The following LOXHD1 variants were observed in gnomAD, a reference collection of about 807,000 sequenced individuals.
The protein encoded by LOXHD1 is lipoxygenase homology domain-containing protein 1.
Under a neutral mutation model 248.2 loss-of-function variants are expected in LOXHD1, and 205 were observed. That is an observed-to-expected ratio of 0.83 (90% CI 0.74 to 0.93). The LOEUF is 0.93. LOXHD1 is among the 40% of genes least tolerant of loss of function. LOXHD1 has a pLI of 0.00. For missense variants in LOXHD1, 2,930 were observed against 2,971.6 expected (o/e 0.99, Z 0.33); for synonymous variants, 1,113 against 1,162.8 (o/e 0.96, Z 0.87).
intron 13 of LOXHD1, among the ~76,000 whole-genome samples, chr18:46,578,707 C>T (rs925908543): frequency 1.3e-5 from 2 of 152,186 alleles, no homozygotes; most frequent in African/African-American, 4.8e-5. Flanking sequence ...TCTGCAAATC[C>T]CCTTCACCCT....
At chr18:46,593,219 T>C (rs1031743929) in intron 10 of LOXHD1, among the ~76,000 whole-genome samples, 4 of 152,204 alleles carry the variant, frequency 2.6e-5, no homozygotes, top group African/African-American at 9.6e-5. Flanking sequence ...CTAAAATTCA[T>C]ACTTTTGATT....
intron 21 of LOXHD1, 51 bp from the exon 22 acceptor site, chr18:46,547,109 T>G: frequency 6.5e-7 from 1 of 1,546,840 alleles, no homozygotes; most frequent in Non-Finnish European, 8.7e-7. Flanking sequence ...AAAGGTCTCG[T>G]CCAGGAGCAG....
chr18:46,587,237 G>A (rs935479352), intron 12 of LOXHD1, among the ~76,000 whole-genome samples: 31 of 152,158 alleles, frequency 2.0e-4, no homozygotes, highest in Admixed American at 1.6e-3. Flanking sequence ...AGCTCTGAAT[G>A]GTCCAACGTA....
intron 23 of LOXHD1, among the ~76,000 whole-genome samples, chr18:46,543,660 G>A (rs2036668116): frequency 6.6e-6 from 1 of 151,986 alleles, no homozygotes; most frequent in African/African-American, 2.4e-5. Context: ...CACTTTTTTG[G>A]TGTGTGTTCT....
At chr18:46,642,217 T>C (rs2038971898) in intron 2 of LOXHD1, among the ~76,000 whole-genome samples, 181 bp from the exon 3 acceptor site, 1 of 152,224 alleles carries the variant, frequency 6.6e-6, no homozygotes, top group Non-Finnish European at 1.5e-5. Flanking sequence ...CAGGGACTGC[T>C]AGTATCATTC....
chr18:46,560,458 C>T lies in LOXHD1; in HGVS notation c.2686G>A (p.Val896Met), dbSNP rs1010276992. 21 of 1,542,342 alleles carry T rather than the reference C, an allele frequency of 1.4e-5. No individual in the cohort carries two copies. Among genetic ancestry groups the T allele is most frequent in the Middle Eastern group, 1.7e-4 (1 of 6,012 alleles). Residue 896 changes from valine to methionine, a missense_variant, in exon 19 of 41, where the codon GTG (valine) becomes ATG (methionine). By Grantham distance (21) the Val-to-Met change is conservative. Coordinates refer to ENST00000642948, the MANE Select transcript of LOXHD1 (RefSeq NM_001384474.1). ...CGCACCACCAGGTGCCGCAGCCACACGGTGTCCACGAACCAGCTGGGCCCA... is the reference window on the plus strand; with the variant it reads ...CGCACCACCAGGTGCCGCAGCCACATGGTGTCCACGAACCAGCTGGGCCCA... ...GFGPSWFVDT[V>M]WLRHLVVREV...
At chr18:46,535,918 C>G (rs1030492817) in intron 26 of LOXHD1, among the ~76,000 whole-genome samples, 1 of 152,090 alleles carries the variant, frequency 6.6e-6, no homozygotes, top group Non-Finnish European at 1.5e-5. Context: ...CTTTAGGGGA[C>G]AGCTACTCAT....
intron 12 of LOXHD1, among the ~76,000 whole-genome samples, chr18:46,590,528 G>A (rs938173734): frequency 3.9e-5 from 6 of 152,184 alleles, no homozygotes; most frequent in Non-Finnish European, 8.8e-5. Context: ...GACAGATCAG[G>A]TAAGAACAGG....
rs1207153917 is a variant in LOXHD1, at chr18:46,485,239, C to A, written c.6050-88G>T. 4 of 1,466,598 alleles carry A rather than the reference C, an allele frequency of 2.7e-6. No homozygotes were observed. In the African/African-American group the frequency reaches 4.2e-5, roughly 16 times the overall value. The allele number at this position is 1,466,598 out of a possible 1,614,324, so 90.8% of individuals were successfully genotyped here. ...AGCAAGAGGGTCACGGCCTCCGGTC[C>A]TTCATTTGATCTTAGGCTGCAGCCT... is the stretch of plus-strand genomic sequence containing the variant. On this transcript the variant is annotated intron_variant, in intron 38 of 40. Coordinates refer to ENST00000642948, the MANE Select transcript of LOXHD1 (RefSeq NM_001384474.1).
At position 46,655,206 on chromosome 18, in the gene LOXHD1, G is replaced by GT. The variant is rs539145795; in HGVS notation, c.130+1697dup. Among the ~76,000 whole-genome samples, 278 of 152,334 alleles carry GT rather than the reference G, an allele frequency of 1.8e-3. 2 individuals carry two copies. Among genetic ancestry groups the GT allele is most frequent in the Non-Finnish European group, 2.5e-3 (171 of 68,026 alleles). ...ATTTGAGGTTCTTGTTGTCCATCCT[G>GT]TTTGTGACCTTGCTCAAGTCACTTA... On this transcript the variant is annotated intron_variant, in intron 1 of 40. Coordinates refer to ENST00000642948, the MANE Select transcript of LOXHD1 (RefSeq NM_001384474.1).
At chr18:46,597,778 A>G (rs911313708) in intron 8 of LOXHD1, among the ~76,000 whole-genome samples, 3 of 148,478 alleles carry the variant, frequency 2.0e-5, no homozygotes, top group African/African-American at 7.5e-5. Context: ...TTTTTTTGAG[A>G]TGGAGTCTCG....
intron 24 of LOXHD1, 53 bp downstream of exon 24, chr18:46,542,674 C>G: frequency 6.5e-7 from 1 of 1,545,254 alleles, no homozygotes; most frequent in Non-Finnish European, 8.7e-7. Context: ...CCACAAGGAC[C>G]TGTCCATGGT....
chr18:46,514,140 T>A lies in LOXHD1; in HGVS notation c.5399+3989A>T, dbSNP rs578165111. Among the ~76,000 whole-genome samples the A allele has an allele frequency of 1.1e-4, 16 of 152,314 alleles. No individual in the cohort carries two copies. In the South Asian group the frequency reaches 3.3e-3, roughly 32 times the overall value. On this transcript the variant is annotated intron_variant, in intron 34 of 40. Coordinates refer to ENST00000642948, the MANE Select transcript of LOXHD1 (RefSeq NM_001384474.1). Reference sequence around the variant, plus strand: ...GCTGTGGTTTGAGAGTAGAACAAGGTCAAATCTTAAACAGATTCTAAGTCT... The same window carrying A: ...GCTGTGGTTTGAGAGTAGAACAAGGACAAATCTTAAACAGATTCTAAGTCT...
rs2033263996 is a variant in LOXHD1, at chr18:46,488,953, A to C, written c.6049+19T>G. On this transcript the variant is annotated intron_variant, in intron 38 of 40. Transcript: ENST00000642948. ...CCATTCCCTGCCTCCCTCCTGAGCC[A>C]ATGATCTCCCCCACATACTGGTCTC... The C allele has an allele frequency of 6.5e-7, 1 of 1,545,468 alleles. No homozygotes were observed. The highest frequency in any genetic ancestry group is 1.4e-5 in the African/African-American group (1 of 72,922).
At chr18:46,589,386 G>T (rs2038122905) in intron 12 of LOXHD1, among the ~76,000 whole-genome samples, 1 of 152,130 alleles carries the variant, frequency 6.6e-6, no homozygotes. Flanking sequence ...GGAGCCCCCT[G>T]GCCCCTTCTT....
intron 6 of LOXHD1, among the ~76,000 whole-genome samples, chr18:46,604,435 A>G (rs1157339539): frequency 6.6e-6 from 1 of 152,248 alleles, no homozygotes; most frequent in East Asian, 1.9e-4. Context: ...ACTGGCGATT[A>G]CCTTCTGACT....
rs1317099243 is a variant in LOXHD1 at position 46,546,943 on chromosome 18, C to T, written c.3466G>A (p.Gly1156Arg). 8 of 1,551,536 alleles carry T rather than the reference C, an allele frequency of 5.2e-6. No homozygotes were observed. Among genetic ancestry groups the T allele is most frequent in the Non-Finnish European group, 7.0e-6 (8 of 1,146,956 alleles). Residue 1156 changes from glycine to arginine, a missense_variant, in exon 22 of 41, where the codon GGA becomes AGA. Coordinates refer to ENST00000642948, the MANE Select transcript of LOXHD1 (RefSeq NM_001384474.1). ...TCGAGGGGGTTGTTGTCACCGCCTC[C>T]CCTACCCTCCTCGCTCTGTGGCAGC... ...YVLPQSEEGR[G>R]GGDNNPLDNL...
intron 18 of LOXHD1, among the ~76,000 whole-genome samples, chr18:46,562,161 C>T (rs944668875): frequency 6.6e-6 from 1 of 152,242 alleles, no homozygotes; most frequent in African/African-American, 2.4e-5. Flanking sequence ...CCTCTGCCTC[C>T]TCAGCAGTGT....
intron 17 of LOXHD1, among the ~76,000 whole-genome samples, chr18:46,566,043 T>C (rs940783137): frequency 1.2e-4 from 19 of 152,234 alleles, no homozygotes; most frequent in Admixed American, 1.2e-3. Flanking sequence ...ATTTCATCCA[T>C]TGGGTCCTCA....
Sources: allele counts gnomAD v4.1 joint callset (sites outside exome capture counted in the v4.1 genomes callset), GRCh38; gene constraint gnomAD v4.1.1; transcripts MANE v1.5; gene names NCBI Gene and HGNC (gene_info 2026-07-23, HGNC 2026-07-21).